The following PCDH15 variants were observed in gnomAD, a reference collection of about 807,000 sequenced individuals.
PCDH15 encodes the protein protocadherin related 15, also known as protocadherin-15.
In PCDH15, 129 loss-of-function variants were observed where a neutral mutation model predicts 178.5. The observed-to-expected ratio is 0.72, with a 90% CI of 0.63 to 0.84. The LOEUF is 0.84. Among genes scored for constraint, PCDH15 ranks in the 40% least tolerant of loss-of-function variants. The probability of loss-of-function intolerance (pLI) is 0.00; values close to 1 mark genes in which losing one functional copy is unlikely to be tolerated. For synonymous variants in PCDH15, 800 were observed against 732.0 expected (o/e 1.09, Z -1.50); for missense variants, 2,230 against 2,099.9 (o/e 1.06, Z -1.21).
intron 2 of PCDH15, among the ~76,000 whole-genome samples, chr10:54,530,130 C>CT (rs1217118613): frequency 5.3e-5 from 8 of 152,062 alleles, no homozygotes; most frequent in Admixed American, 5.2e-4. Context: ...TAAAAGTAGG[C>CT]TTTATGAAGC....
intron 1 of PCDH15, among the ~76,000 whole-genome samples, chr10:54,727,995 T>C (rs1043337032): frequency 6.6e-6 from 1 of 151,554 alleles, no homozygotes; most frequent in Admixed American, 6.6e-5. Context: ...AGCTGAATTC[T>C]ACAAAGTGGC....
chr10:53,891,223 T>C (rs770512009), intron 26 of PCDH15, among the ~76,000 whole-genome samples: 33 of 152,298 alleles, frequency 2.2e-4, no homozygotes, highest in Non-Finnish European at 2.6e-4. Context: ...ATCTTCTGAA[T>C]TGTGCCTTGC....
intron 20 of PCDH15, among the ~76,000 whole-genome samples, chr10:54,017,758 T>C (rs922646386): frequency 8.5e-5 from 13 of 152,072 alleles, no homozygotes; most frequent in African/African-American, 3.1e-4. Flanking sequence ...TACACTTATG[T>C]AACAAATGTG....
At chr10:54,683,117 G>C (rs1052422717) in intron 1 of PCDH15, among the ~76,000 whole-genome samples, 16 of 151,974 alleles carry the variant, frequency 1.1e-4, no homozygotes, top group African/African-American at 3.6e-4. Flanking sequence ...ATTAGGCTTT[G>C]CTATTGTTCA....
At chr10:55,100,495 T>C (rs1842551118) in intron 2 of PCDH15, among the ~76,000 whole-genome samples, 2 of 152,224 alleles carry the variant, frequency 1.3e-5, no homozygotes, top group South Asian at 4.1e-4. Context: ...TAGTTTATGG[T>C]TGTGCAGACT....
chr10:54,783,442 T>A (rs1034763511), intron 1 of PCDH15, among the ~76,000 whole-genome samples: 1 of 151,442 alleles, frequency 6.6e-6, no homozygotes, highest in Non-Finnish European at 1.5e-5. Context: ...GAAAGAATGA[T>A]GAAAAGGAAA....
At chr10:54,110,198 TTG>T (rs2094991870) in intron 15 of PCDH15, among the ~76,000 whole-genome samples, 1 of 151,830 alleles carries the variant, frequency 6.6e-6, no homozygotes, top group South Asian at 2.1e-4. Flanking sequence ...AGGAGACCAT[TTG>T]TATGGGGTCA....
At chr10:54,941,375 C>T (rs1838058658) in intron 2 of PCDH15, among the ~76,000 whole-genome samples, 1 of 151,932 alleles carries the variant, frequency 6.6e-6, no homozygotes, top group Non-Finnish European at 1.5e-5. Flanking sequence ...GTTGAGATTC[C>T]CTAGAGAACA....
At chr10:53,847,510 G>A (rs540174351) in intron 28 of PCDH15, among the ~76,000 whole-genome samples, 2 of 151,964 alleles carry the variant, frequency 1.3e-5, no homozygotes, top group Non-Finnish European at 2.9e-5. Flanking sequence ...ATGCCATGGA[G>A]CATTTTGTTC....
chr10:53,866,364 G>T (rs2079447894), intron 27 of PCDH15, among the ~76,000 whole-genome samples: 1 of 151,138 alleles, frequency 6.6e-6, no homozygotes, highest in Non-Finnish European at 1.5e-5. Context: ...TTATACCTTT[G>T]CTGTTACAAT....
At chr10:55,103,725 G>C (rs1842620881) in intron 2 of PCDH15, among the ~76,000 whole-genome samples, 1 of 152,020 alleles carries the variant, frequency 6.6e-6, no homozygotes, top group South Asian at 2.1e-4. Flanking sequence ...GAAATTTACA[G>C]GTCCTTATGA....
intron 2 of PCDH15, among the ~76,000 whole-genome samples, chr10:55,427,536 C>A (rs1402846809): frequency 2.0e-5 from 3 of 152,086 alleles, no homozygotes; most frequent in Non-Finnish European, 4.4e-5. Flanking sequence ...TAACGAAGAG[C>A]AGCATATAAA....
At chr10:55,311,629 G>C (rs963611619) in intron 1 of PCDH15, among the ~76,000 whole-genome samples, 2 of 152,178 alleles carry the variant, frequency 1.3e-5, no homozygotes, top group African/African-American at 2.4e-5. Flanking sequence ...AAAATGAGGA[G>C]ATTGAGTAGA....
intron 2 of PCDH15, among the ~76,000 whole-genome samples, chr10:54,950,352 G>A (rs1239704077): frequency 6.6e-6 from 1 of 151,966 alleles, no homozygotes; most frequent in African/African-American, 2.4e-5. Flanking sequence ...GTTGTGGGAG[G>A]AACCCAGTGG....
chr10:54,383,900 C>A (rs1949579046), intron 3 of PCDH15, among the ~76,000 whole-genome samples: 1 of 151,760 alleles, frequency 6.6e-6, no homozygotes, highest in South Asian at 2.1e-4. Context: ...CTCACTGCAA[C>A]CTCTGTTTCC....
At chr10:54,847,150 A>G (rs1225411516) in intron 3 of PCDH15, among the ~76,000 whole-genome samples, 1 of 152,192 alleles carries the variant, frequency 6.6e-6, no homozygotes, top group Non-Finnish European at 1.5e-5. Flanking sequence ...TGAAAAATGC[A>G]TAGACTTTGT....
intron 2 of PCDH15, among the ~76,000 whole-genome samples, chr10:55,421,435 T>TTA (rs775655803): frequency 6.8e-4 from 101 of 148,562 alleles, no homozygotes; most frequent in Non-Finnish European, 1.3e-3. Flanking sequence ...GTATATAAAT[T>TTA]TATATATATT....
intron 2 of PCDH15, among the ~76,000 whole-genome samples, chr10:55,070,951 A>C (rs1034230498): frequency 1.3e-5 from 2 of 152,030 alleles, no homozygotes; most frequent in African/African-American, 2.4e-5. Flanking sequence ...CTTTTATTTC[A>C]TTGAGCAGTG....
intron 26 of PCDH15, among the ~76,000 whole-genome samples, chr10:53,884,387 G>A (rs748399502): frequency 8.5e-5 from 13 of 152,122 alleles, no homozygotes; most frequent in East Asian, 5.8e-4. Context: ...AAGTCATTCC[G>A]TGGGTGCCAT....
Sources: allele counts gnomAD v4.1 joint callset (sites outside exome capture counted in the v4.1 genomes callset), GRCh38; gene constraint gnomAD v4.1.1; transcripts MANE v1.5; gene names NCBI Gene and HGNC (gene_info 2026-07-23, HGNC 2026-07-21).